Variants in ANO3 observed in about 807,000 individuals in gnomAD.
ANO3 encodes anoctamin 3, also known as anoctamin-3.
Under a neutral mutation model 144.8 loss-of-function variants are expected in ANO3, and 99 were observed. The ratio of observed to expected loss-of-function variants is 0.68; its 90% CI spans 0.58 to 0.81. The LOEUF is 0.81. Among genes scored for constraint, ANO3 ranks in the 30% least tolerant of loss-of-function variants. The pLI is 0.00. For synonymous variants in ANO3, 414 were observed against 392.6 expected (o/e 1.05, Z -0.64); for missense variants, 905 against 1,202.2 (o/e 0.75, Z 3.66).
At chr11:26,250,960 C>T (rs545183929) in intron 1 of ANO3, among the ~76,000 whole-genome samples, 1 of 152,296 alleles carries the variant, frequency 6.6e-6, no homozygotes, top group East Asian at 1.9e-4. Context: ...AGCAACATAG[C>T]ACACTGTAGC....
chr11:26,577,301 C>T (rs1011546842), intron 14 of ANO3, among the ~76,000 whole-genome samples: 2 of 151,778 alleles, frequency 1.3e-5, no homozygotes, highest in Admixed American at 6.6e-5. Flanking sequence ...TGGTGGTTCA[C>T]GCCTGTAATC....
intron 4 of ANO3, among the ~76,000 whole-genome samples, chr11:26,464,236 A>T (rs1390159169): frequency 6.6e-6 from 1 of 151,670 alleles, no homozygotes; most frequent in Non-Finnish European, 1.5e-5. Flanking sequence ...ATTAAATTGC[A>T]TCAGTATTAT....
chr11:26,206,190 A>C (rs1304307898), intron 1 of ANO3, among the ~76,000 whole-genome samples: 1 of 152,188 alleles, frequency 6.6e-6, no homozygotes, highest in Admixed American at 6.5e-5. Flanking sequence ...TTGAGCATTT[A>C]GTTGACATCA....
chr11:26,604,344 G>A (rs547063052), intron 17 of ANO3, among the ~76,000 whole-genome samples: 2 of 152,242 alleles, frequency 1.3e-5, no homozygotes, highest in South Asian at 2.1e-4. Flanking sequence ...TTCAGGTAGT[G>A]TAATGCCTCC....
At chr11:26,428,054 T>TATCATAGATGTGG (rs1196785347) in intron 1 of ANO3, among the ~76,000 whole-genome samples, 1 of 152,134 alleles carries the variant, frequency 6.6e-6, no homozygotes, top group African/African-American at 2.4e-5. Context: ...ACACAAGCCA[T>TATCATAGATGTGG]ATCATAGATG....
intron 1 of ANO3, among the ~76,000 whole-genome samples, chr11:26,438,441 A>C (rs1320013995): frequency 6.6e-6 from 1 of 151,842 alleles, no homozygotes; most frequent in Non-Finnish European, 1.5e-5. Context: ...ATTCAATGGA[A>C]TCCCTATCAT....
At position 26,495,850 on chromosome 11, in the gene ANO3, A is replaced by C. The variant is rs377423234; in HGVS notation, c.433-12254A>C. ...AGATTATATTATTTGCCTTCTCCAC[A>C]TACATGACTAATGGAGAACAATTAA... On this transcript the variant is annotated intron_variant, in intron 4 of 26. Coordinates refer to ENST00000256737, the MANE Select transcript of ANO3 (RefSeq NM_031418.4). 6.2e-4 allele frequency among the ~76,000 whole-genome samples: 94 copies of C among 152,320 alleles called. 3 individuals carry two copies. In the South Asian group the frequency reaches 0.013, roughly 21 times the overall value.
chr11:26,282,118 C>T (rs547215537), intron 1 of ANO3, among the ~76,000 whole-genome samples: 1 of 152,218 alleles, frequency 6.6e-6, no homozygotes, highest in African/African-American at 2.4e-5. Context: ...TTACTTATAC[C>T]ATTAGCCTGC....
chr11:26,418,558 T>TA (rs377741444), intron 1 of ANO3, among the ~76,000 whole-genome samples: 11 of 152,160 alleles, frequency 7.2e-5, no homozygotes, highest in African/African-American at 2.4e-4. Flanking sequence ...GTGTAAACAT[T>TA]AAAAAACTTT....
At chr11:26,422,135 T>C (rs139258807) in intron 1 of ANO3, among the ~76,000 whole-genome samples, 1 of 152,178 alleles carries the variant, frequency 6.6e-6, no homozygotes, top group East Asian at 1.9e-4. Context: ...TAAAATAACA[T>C]ATGAGCTTTT....
At chr11:26,286,463 ATTT>A (rs1248002028) in intron 1 of ANO3, among the ~76,000 whole-genome samples, 2 of 152,198 alleles carry the variant, frequency 1.3e-5, no homozygotes, top group Non-Finnish European at 2.9e-5. Context: ...GGCATTCATC[ATTT>A]TTTAAGTTTC....
At chr11:26,395,287 AG>A (rs1198377247) in intron 1 of ANO3, among the ~76,000 whole-genome samples, 1 of 139,622 alleles carries the variant, frequency 7.2e-6, no homozygotes, top group Admixed American at 6.8e-5. Context: ...TGAAATTTCA[AG>A]TAGCTTTTTT....
chr11:26,195,947 A>C (rs1022213101), intron 1 of ANO3, among the ~76,000 whole-genome samples: 2 of 152,204 alleles, frequency 1.3e-5, no homozygotes, highest in Non-Finnish European at 2.9e-5. Flanking sequence ...GGCCTAGAAT[A>C]CACATTTAAT....
At chr11:26,558,863 AC>A (rs1411447931) in intron 13 of ANO3, among the ~76,000 whole-genome samples, 4 of 151,834 alleles carry the variant, frequency 2.6e-5, no homozygotes, top group Non-Finnish European at 5.9e-5. Flanking sequence ...CTGTTCTTTA[AC>A]CCATGATTGT....
rs147767829 is a variant in ANO3, at chr11:26,265,946, C to G, written c.155-43699C>G. Reference sequence around the variant, plus strand: ...AAGCCTTTAATTCCAACTTAGTAGCCTACTTCACAAGCTACACAATGAAGG... The same window carrying G: ...AAGCCTTTAATTCCAACTTAGTAGCGTACTTCACAAGCTACACAATGAAGG... On this transcript the variant is annotated intron_variant, in intron 1 of 27. Transcript: ENST00000672621. Among the ~76,000 whole-genome samples, 105 of 152,298 alleles carry G rather than the reference C, an allele frequency of 6.9e-4. 1 individual carries two copies. Among genetic ancestry groups the G allele is most frequent in the African/African-American group, 2.3e-3 (96 of 41,556 alleles).
intron 17 of ANO3, 63 bp from the exon 18 acceptor site, chr11:26,624,399 G>A: frequency 8.3e-7 from 1 of 1,201,446 alleles, no homozygotes. Flanking sequence ...TTCAAATAGT[G>A]TAAATACCAG....
rs563863213 is a variant in ANO3, at chr11:26,512,461, C to T, written c.591+4199C>T. On this transcript the variant is annotated intron_variant, in intron 5 of 26. Transcript: ENST00000256737. ...ATCTTTCTCCCTGACAGCATCATCC[C>T]CGCACCAGCCCCCTGGCCAGTAACT... Among the ~76,000 whole-genome samples the T allele has an allele frequency of 2.6e-5, 4 of 152,258 alleles. No individual in the cohort carries two copies. The South Asian group carries it at 8.3e-4, about 32-fold the overall frequency.
intron 1 of ANO3, among the ~76,000 whole-genome samples, chr11:26,251,600 G>C (rs1852928586): frequency 6.6e-6 from 1 of 152,156 alleles, no homozygotes; most frequent in Non-Finnish European, 1.5e-5. Context: ...TTTAGTGAGT[G>C]TATCAGTCCA....
intron 26 of ANO3, among the ~76,000 whole-genome samples, chr11:26,659,073 G>C (rs2133103227): frequency 8.7e-6 from 1 of 114,440 alleles, no homozygotes; most frequent in Middle Eastern, 5.0e-3. Flanking sequence ...AGCAATCCTT[G>C]AGCCATACAC....
Sources: gnomAD v4.1 joint callset for allele counts (sites outside exome capture counted in the v4.1 genomes callset) on GRCh38, gnomAD v4.1.1 for gene constraint, MANE v1.5 for transcripts, NCBI Gene and HGNC (gene_info 2026-07-23, HGNC 2026-07-21) for gene names.